The following FGF14 variants were observed in gnomAD, a reference collection of about 807,000 sequenced individuals.
The protein encoded by FGF14 is fibroblast growth factor 14.
FGF14 carries 5 observed loss-of-function variants against 25.5 expected under a neutral mutation model. The ratio of observed to expected loss-of-function variants is 0.20; its 90% confidence interval spans 0.10 to 0.41. The LOEUF (loss-of-function observed/expected upper bound fraction) is 0.41. FGF14 is among the 10% of genes least tolerant of loss of function. FGF14 has a pLI of 1.00. For missense variants in FGF14, 222 were observed against 320.1 expected (o/e 0.69, Z 2.34); for synonymous variants, 138 against 118.3 (o/e 1.17, Z -1.08).
chr13:101,852,553 T>C (rs1171229121), intron 3 of FGF14, among the ~76,000 whole-genome samples: 1 of 151,918 alleles, frequency 6.6e-6, no homozygotes, highest in East Asian at 1.9e-4. Context: ...AACACTTGAG[T>C]GTGGATTTTG....
intron 1 of FGF14, among the ~76,000 whole-genome samples, chr13:102,320,459 C>T (rs2056202620): frequency 6.6e-6 from 1 of 152,128 alleles, no homozygotes; most frequent in Admixed American, 6.5e-5. Context: ...TGACTGCATC[C>T]TGAGTCTCTG....
chr13:101,977,529 C>A (rs569273641), intron 1 of FGF14, among the ~76,000 whole-genome samples: 1 of 152,070 alleles, frequency 6.6e-6, no homozygotes, highest in Admixed American at 6.6e-5. Context: ...GTCAGAGAAA[C>A]GGCCCAGCAT....
intron 1 of FGF14, among the ~76,000 whole-genome samples, chr13:102,053,280 G>C (rs936998362): frequency 6.6e-6 from 1 of 152,022 alleles, no homozygotes; most frequent in African/African-American, 2.4e-5. Flanking sequence ...AAACGAAACA[G>C]AACATGATCC....
chr13:101,812,607 A>C, intron 3 of FGF14, among the ~76,000 whole-genome samples: 1 of 79,712 alleles, frequency 1.3e-5, no homozygotes, highest in African/African-American at 5.0e-5. Context: ...TTATATTTTT[A>C]AAACTATATA....
intron 1 of FGF14, among the ~76,000 whole-genome samples, chr13:102,284,182 C>G (rs1445389908): frequency 6.6e-6 from 1 of 152,170 alleles, no homozygotes; most frequent in Non-Finnish European, 1.5e-5. Context: ...GGAAACAGGT[C>G]TTGCATACAC....
intron 3 of FGF14, among the ~76,000 whole-genome samples, chr13:101,828,917 A>C (rs896245755): frequency 2.6e-5 from 4 of 152,122 alleles, no homozygotes; most frequent in African/African-American, 9.7e-5. Flanking sequence ...TCTCACTAGA[A>C]ACTCATTACC....
chr13:101,876,749 C>T (rs746652772), intron 1 of FGF14, among the ~76,000 whole-genome samples: 20 of 152,038 alleles, frequency 1.3e-4, no homozygotes, highest in Non-Finnish European at 2.4e-4. Flanking sequence ...GTTCCTTATT[C>T]TGTAGTATAT....
At chr13:101,930,396 A>G (rs1400965995) in intron 1 of FGF14, among the ~76,000 whole-genome samples, 1 of 152,216 alleles carries the variant, frequency 6.6e-6, no homozygotes, top group Non-Finnish European at 1.5e-5. Context: ...CTGGGTAAAC[A>G]TACTTCATTG....
intron 1 of FGF14, among the ~76,000 whole-genome samples, chr13:101,993,769 G>T (rs1018519383): frequency 6.6e-6 from 1 of 151,666 alleles, no homozygotes; most frequent in African/African-American, 2.4e-5. Context: ...ACCAGAGAAG[G>T]CAAAAAAATG....
chr13:101,952,413 C>CT (rs35081290), intron 1 of FGF14, among the ~76,000 whole-genome samples: 59,432 of 146,608 alleles, frequency 0.41, 13,030 homozygotes, highest in African/African-American at 0.58. Flanking sequence ...TTTTTGGCTA[C>CT]TTTTTTTTTT....
At chr13:101,849,803 G>T (rs1310692607) in intron 3 of FGF14, among the ~76,000 whole-genome samples, 1 of 151,934 alleles carries the variant, frequency 6.6e-6, no homozygotes, top group East Asian at 1.9e-4. Context: ...GTTCCTCCTG[G>T]GAGTCATGAG....
intron 1 of FGF14, among the ~76,000 whole-genome samples, chr13:102,370,818 CTGTT>C (rs1345234428): frequency 6.6e-6 from 1 of 151,984 alleles, no homozygotes; most frequent in African/African-American, 2.4e-5. Context: ...GTATTGAGTA[CTGTT>C]TGTTAGGAGA....
chr13:101,984,048 T>C (rs1321187084), intron 1 of FGF14, among the ~76,000 whole-genome samples: 1 of 152,164 alleles, frequency 6.6e-6, no homozygotes, highest in Non-Finnish European at 1.5e-5. Flanking sequence ...TTACTTAGCT[T>C]CTCTTTCAGC....
intron 1 of FGF14, among the ~76,000 whole-genome samples, chr13:102,079,396 T>C (rs1239999889): frequency 6.6e-6 from 1 of 152,160 alleles, no homozygotes; most frequent in Non-Finnish European, 1.5e-5. Flanking sequence ...AGTTAAAAAA[T>C]AAGTTATTCA....
At chr13:101,879,784 A>C (rs1250366943) in intron 1 of FGF14, among the ~76,000 whole-genome samples, 1 of 152,182 alleles carries the variant, frequency 6.6e-6, no homozygotes, top group South Asian at 2.1e-4. Flanking sequence ...TAGGGTAAAA[A>C]CAACTTTTGT....
chr13:101,773,088 G>A (rs768633693), intron 3 of FGF14, among the ~76,000 whole-genome samples: 3 of 152,080 alleles, frequency 2.0e-5, no homozygotes, highest in Non-Finnish European at 4.4e-5. Flanking sequence ...GTTTGCTGAT[G>A]TATTTCCTTC....
intron 1 of FGF14, among the ~76,000 whole-genome samples, chr13:101,940,119 A>C (rs2035350022): frequency 1.3e-5 from 2 of 152,224 alleles, no homozygotes; most frequent in African/African-American, 4.8e-5. Context: ...TCTGGCTTCA[A>C]GTCCTTCTAA....
chr13:101,763,897 C>T (rs80161319), intron 3 of FGF14, among the ~76,000 whole-genome samples: 2,183 of 151,462 alleles, frequency 0.014, 60 homozygotes, highest in African/African-American at 0.049. Context: ...ACTTAACCTC[C>T]CCAGAGCAGC....
intron 3 of FGF14, among the ~76,000 whole-genome samples, chr13:101,762,106 T>C (rs1018768002): frequency 4.6e-5 from 7 of 152,184 alleles, no homozygotes; most frequent in South Asian, 2.1e-4. Context: ...TTAATAAACT[T>C]GGTAAAGCCA....
Sources: gnomAD v4.1 joint callset for allele counts (sites outside exome capture counted in the v4.1 genomes callset) on GRCh38, gnomAD v4.1.1 for gene constraint, MANE v1.5 for transcripts, NCBI Gene and HGNC (gene_info 2026-07-23, HGNC 2026-07-21) for gene names.